DOCK11: variants seen among roughly 807,000 people sequenced by gnomAD.
DOCK11 encodes dedicator of cytokinesis protein 11.
In DOCK11, 70 loss-of-function variants were observed where a neutral mutation model predicts 169.1. The observed-to-expected ratio is 0.41, with a 90% CI of 0.34 to 0.51. The LOEUF (loss-of-function observed/expected upper bound fraction) is 0.51. DOCK11 is among the 20% of genes least tolerant of loss of function. The probability of loss-of-function intolerance (pLI) is 0.10; values close to 1 mark genes in which losing one functional copy is unlikely to be tolerated. For synonymous variants in DOCK11, 529 were observed against 541.3 expected (o/e 0.98, Z 0.32); for missense variants, 1,166 against 1,538.8 (o/e 0.76, Z 4.05).
intron 1 of DOCK11, among the ~76,000 whole-genome samples, chrX:118,499,180 G>C (rs1220978307): frequency 8.9e-6 from 1 of 112,072 alleles, no homozygotes; most frequent in Admixed American, 9.5e-5. Flanking sequence ...AATTGATTTT[G>C]TTGTAATTCA....
intron 1 of DOCK11, among the ~76,000 whole-genome samples, chrX:118,527,692 T>G (rs1393843794): frequency 8.9e-6 from 1 of 112,422 alleles, no homozygotes; most frequent in Admixed American, 9.4e-5. Context: ...CATGTATTGT[T>G]TTTATAATTA....
chrX:118,602,936 T>C (rs1378576685), intron 23 of DOCK11, among the ~76,000 whole-genome samples: 1 of 112,150 alleles, frequency 8.9e-6, no homozygotes, highest in African/African-American at 3.2e-5. Context: ...ATGAATCAAA[T>C]GGGGAACAGT....
At chrX:118,553,735 A>T (rs1010026581) in intron 6 of DOCK11, among the ~76,000 whole-genome samples, 7 of 112,062 alleles carry the variant, frequency 6.2e-5, no homozygotes, top group African/African-American at 2.3e-4. Context: ...TAGGAGGTCA[A>T]GGTCACTATG....
intron 1 of DOCK11, among the ~76,000 whole-genome samples, chrX:118,516,885 T>A (rs774256437): frequency 4.9e-4 from 55 of 111,915 alleles, no homozygotes; most frequent in African/African-American, 1.7e-3. Flanking sequence ...CTGTAAAATG[T>A]AGATAATGAT....
At chrX:118,539,954 G>C in intron 1 of DOCK11, among the ~76,000 whole-genome samples, 2 of 105,707 alleles carry the variant, frequency 1.9e-5, no homozygotes, top group South Asian at 8.6e-4. Context: ...GGGAGGCTGA[G>C]GCAGGAGAAT....
chrX:118,545,966 C>A, intron 5 of DOCK11, 55 bp from the exon 6 acceptor site: 1 of 893,467 alleles, frequency 1.1e-6, no homozygotes, highest in Non-Finnish European at 1.6e-6. Flanking sequence ...AAATGTTTCG[C>A]TAATTAGATG....
chrX:118,648,581 AAATATATAAT>A (rs1194695341), intron 40 of DOCK11, among the ~76,000 whole-genome samples: 99 of 91,608 alleles, frequency 1.1e-3, no homozygotes, highest in Non-Finnish European at 1.9e-3. Context: ...ACATATATAT[AAATATATAAT>A]ATATATAATA....
intron 31 of DOCK11, among the ~76,000 whole-genome samples, chrX:118,622,356 A>T (rs1322402352): frequency 8.0e-5 from 9 of 112,364 alleles, no homozygotes; most frequent in African/African-American, 2.9e-4. Context: ...CCGCATTTTA[A>T]AAAGTAGCTG....
At chrX:118,587,936 A>G (rs1327683833) in intron 16 of DOCK11, among the ~76,000 whole-genome samples, 1 of 112,277 alleles carries the variant, frequency 8.9e-6, no homozygotes, top group Non-Finnish European at 1.9e-5. Context: ...GAAGGGTTCC[A>G]CTAAAATCAG....
chrX:118,581,676 C>T (rs2013640508), intron 14 of DOCK11, among the ~76,000 whole-genome samples: 1 of 107,044 alleles, frequency 9.3e-6, no homozygotes, highest in African/African-American at 3.4e-5. Flanking sequence ...TGGTGGCGTG[C>T]ACCTGTAGTG....
At chrX:118,649,174 T>G in intron 41 of DOCK11, 47 bp downstream of exon 41, 1 of 1,070,602 alleles carries the variant, frequency 9.3e-7, no homozygotes, top group African/African-American at 1.9e-5. Flanking sequence ...TCTTCAATCT[T>G]TAACCTCTAG....
chrX:118,659,592 G>A (rs2016163771), intron 44 of DOCK11, among the ~76,000 whole-genome samples: 1 of 112,014 alleles, frequency 8.9e-6, no homozygotes, highest in South Asian at 3.7e-4. Context: ...TAGCAAAAAG[G>A]GGGAGGAATA....
chrX:118,574,119 C>G (rs764279148), intron 12 of DOCK11, 101 bp downstream of exon 12: 167 of 903,411 alleles, frequency 1.8e-4, no homozygotes, highest in Non-Finnish European at 2.4e-4. Flanking sequence ...ATGGCATTCT[C>G]TCTCTTGTAA....
intron 13 of DOCK11, 132 bp from the exon 14 acceptor site, chrX:118,579,965 C>T: frequency 2.1e-6 from 1 of 474,216 alleles, no homozygotes; most frequent in Non-Finnish European, 3.4e-6. Flanking sequence ...TGTTATTCTG[C>T]TTGTGGCTAT....
chrX:118,518,857 G>A (rs1435726653), intron 1 of DOCK11, among the ~76,000 whole-genome samples: 1 of 111,702 alleles, frequency 9.0e-6, no homozygotes, highest in African/African-American at 3.3e-5. Context: ...AGGGGAGGCT[G>A]AGCCTGTGTT....
intron 6 of DOCK11, among the ~76,000 whole-genome samples, chrX:118,558,830 A>G (rs1239631165): frequency 8.9e-6 from 1 of 112,128 alleles, no homozygotes; most frequent in Non-Finnish European, 1.9e-5. Flanking sequence ...TATTTGTTCA[A>G]GTTGAATGAA....
intron 35 of DOCK11, among the ~76,000 whole-genome samples, chrX:118,634,919 G>A (rs1042979933): frequency 9.1e-6 from 1 of 110,418 alleles, no homozygotes; most frequent in Non-Finnish European, 1.9e-5. Context: ...TAGAGACAGG[G>A]TTTCACGATG....
intron 20 of DOCK11, among the ~76,000 whole-genome samples, chrX:118,595,028 G>A (rs2014117994): frequency 9.0e-6 from 1 of 111,334 alleles, no homozygotes; most frequent in Admixed American, 9.6e-5. Context: ...GGAAAGCCTT[G>A]AATACCAGGC....
Position 118,605,362 on chromosome X carries a change from T to C in DOCK11, c.2681+6T>C. 9.1e-7 allele frequency: 1 copy of C among 1,101,050 alleles called. No individual in the cohort carries two copies. The highest frequency in any genetic ancestry group is 1.2e-6 in the Non-Finnish European group (1 of 806,789). The allele number at this position is 1,101,050 out of a possible 1,213,427, so 90.7% of individuals were successfully genotyped here. On this transcript the variant is annotated splice_donor_region_variant and intron_variant, in intron 24 of 52. Transcript: ENST00000276202. The stretch of plus-strand genomic sequence containing the variant: ...GTTCCTATCAACTGCACCATGTGAG[T>C]TTTGGTGTTATAATACAAAGATGCT...
Sources: allele counts gnomAD v4.1 joint callset (sites outside exome capture counted in the v4.1 genomes callset), GRCh38; gene constraint gnomAD v4.1.1; transcripts MANE v1.5; gene names NCBI Gene and HGNC (gene_info 2026-07-23, HGNC 2026-07-21).